The following CREB5 variants were observed in gnomAD, a reference collection of about 807,000 sequenced individuals.
The protein encoded by CREB5 is cyclic AMP-responsive element-binding protein 5.
In CREB5, 19 loss-of-function variants were observed where a neutral mutation model predicts 57.1. The observed-to-expected ratio is 0.33, with a 90% CI of 0.23 to 0.49. The LOEUF is 0.49. Ranked by LOEUF, CREB5 falls within the 20% of genes least tolerant of loss-of-function variation. CREB5 has a pLI of 0.99. For missense variants in CREB5, 579 were observed against 671.6 expected (o/e 0.86, Z 1.52); for synonymous variants, 238 against 238.3 (o/e 1.00, Z 0.01).
chr7:28,443,930 C>A (rs1031016125), intron 1 of CREB5, among the ~76,000 whole-genome samples: 3 of 152,062 alleles, frequency 2.0e-5, no homozygotes, highest in African/African-American at 7.2e-5. Flanking sequence ...GATCCTGATA[C>A]AAGTCAGAAT....
At chr7:28,658,744 G>A (rs1031834577) in intron 5 of CREB5, among the ~76,000 whole-genome samples, 4 of 151,872 alleles carry the variant, frequency 2.6e-5, no homozygotes, top group Admixed American at 2.6e-4. Context: ...ATGTTGAGTC[G>A]CCAGTTTTGG....
chr7:28,386,335 A>C (rs1248890347), intron 1 of CREB5, among the ~76,000 whole-genome samples: 1 of 152,116 alleles, frequency 6.6e-6, no homozygotes, highest in Non-Finnish European at 1.5e-5. Context: ...GTTCCTTTAC[A>C]CATTTTGTAG....
chr7:28,634,348 T>A (rs1208841938), intron 5 of CREB5, among the ~76,000 whole-genome samples: 3 of 152,244 alleles, frequency 2.0e-5, no homozygotes, highest in African/African-American at 7.2e-5. Context: ...GAACTGATAT[T>A]TTTTAATGGG....
At chr7:28,620,162 G>T (rs73684221) in intron 5 of CREB5, among the ~76,000 whole-genome samples, 2,903 of 152,178 alleles carry the variant, frequency 0.019, 98 homozygotes, top group African/African-American at 0.067. Flanking sequence ...TTTTGCAGTC[G>T]TCTCATAGAT....
chr7:28,560,931 T>TGCGTGCGCGTGC (rs1467935536), intron 4 of CREB5, among the ~76,000 whole-genome samples: 4 of 48,530 alleles, frequency 8.2e-5, no homozygotes, highest in Non-Finnish European at 1.5e-4. Flanking sequence ...TGCGCGTGCG[T>TGCGTGCGCGTGC]GTGTGCGTGC....
chr7:28,431,342 A>G (rs961345786), intron 1 of CREB5, among the ~76,000 whole-genome samples: 2 of 152,208 alleles, frequency 1.3e-5, no homozygotes, highest in Non-Finnish European at 2.9e-5. Flanking sequence ...TGCTGTATCT[A>G]TGGCATTCAT....
chr7:28,732,457 C>A (rs1803700435), intron 7 of CREB5, among the ~76,000 whole-genome samples: 1 of 152,114 alleles, frequency 6.6e-6, no homozygotes, highest in Non-Finnish European at 1.5e-5. Context: ...TTTTCAAGAG[C>A]CTCTTTCTTG....
At chr7:28,617,022 T>A (rs1797620491) in intron 5 of CREB5, among the ~76,000 whole-genome samples, 1 of 152,218 alleles carries the variant, frequency 6.6e-6, no homozygotes, top group Non-Finnish European at 1.5e-5. Flanking sequence ...AGCCTCAGCC[T>A]GAAATTCACA....
At chr7:28,476,869 A>G (rs1410533756) in intron 1 of CREB5, among the ~76,000 whole-genome samples, 2 of 110,542 alleles carry the variant, frequency 1.8e-5, no homozygotes, top group African/African-American at 7.5e-5. Flanking sequence ...TTGCTTTCTC[A>G]TGGCCTCTGA....
chr7:28,804,167 T>C (rs1161096690), intron 7 of CREB5, 32 bp from the exon 8 acceptor site: 1 of 1,595,214 alleles, frequency 6.3e-7, no homozygotes, highest in Non-Finnish European at 8.6e-7. Context: ...TGACTTCAGT[T>C]GTTCTCTCTC....
rs565249310 is a variant in CREB5 at position 28,427,846 on chromosome 7, C to T, written c.3+14929C>T. ...CTTCCGGAGATGGCTATGTGATAACCCAGCCAAGTGCATCACTAAAGGTGG... is the reference window on the plus strand; with the variant it reads ...CTTCCGGAGATGGCTATGTGATAACTCAGCCAAGTGCATCACTAAAGGTGG... On this transcript the variant is annotated intron_variant, in intron 1 of 10. Transcript: ENST00000357727. Among the ~76,000 whole-genome samples the T allele has an allele frequency of 2.0e-5, 3 of 152,238 alleles. No individual in the cohort carries two copies. The South Asian group carries it at 6.2e-4, about 32-fold the overall frequency.
At chr7:28,409,761 G>C (rs1337586179), upstream of CREB5, 1 of 376,808 alleles carries the variant, frequency 2.7e-6, no homozygotes, top group Admixed American at 3.2e-5. The surrounding 1 kb of genome is among the most constrained non-coding windows in gnomAD (Gnocchi z 4.4). Context: ...CTCGGTGGCC[G>C]CCGCGCCGCG....
chr7:28,319,579 A>G (rs1290360551), intron 1 of CREB5, among the ~76,000 whole-genome samples: 1 of 152,248 alleles, frequency 6.6e-6, no homozygotes, highest in East Asian at 1.9e-4. Context: ...TTCGGTGTTC[A>G]TCTGGAGGTG....
intron 1 of CREB5, among the ~76,000 whole-genome samples, chr7:28,425,020 T>C (rs983898909): frequency 6.6e-6 from 1 of 152,224 alleles, no homozygotes; most frequent in Non-Finnish European, 1.5e-5. Context: ...CATGGGTACA[T>C]GTGTGGGTTT....
chr7:28,580,451 A>ACG (rs1430515804), intron 5 of CREB5, among the ~76,000 whole-genome samples: 1 of 150,628 alleles, frequency 6.6e-6, no homozygotes, highest in Admixed American at 6.6e-5. Context: ...ACACACACAC[A>ACG]CACACACACA....
At chr7:28,473,848 C>T (rs1315137755) in intron 1 of CREB5, among the ~76,000 whole-genome samples, 1 of 152,190 alleles carries the variant, frequency 6.6e-6, no homozygotes, top group Non-Finnish European at 1.5e-5. Context: ...GGGTCCATGA[C>T]CCTGGCCCGT....
chr7:28,570,888 G>C (rs756062995), intron 5 of CREB5, among the ~76,000 whole-genome samples: 3 of 152,058 alleles, frequency 2.0e-5, no homozygotes, highest in Non-Finnish European at 2.9e-5. Flanking sequence ...AGTTCTACCA[G>C]CTCAGCCTTG....
In CREB5 at chr7:28,554,848, C is replaced by T. The variant is rs985311749; in HGVS notation, c.292-15517C>T. Among the ~76,000 whole-genome samples the T allele has an allele frequency of 5.3e-5, 8 of 152,250 alleles. No individual in the cohort carries two copies. In the South Asian group the frequency reaches 8.3e-4, roughly 16 times the overall value. On this transcript the variant is annotated intron_variant, in intron 4 of 10. Transcript: ENST00000357727. ...TGTGAATCTAGACTGTTCACATGAG[C>T]GAGTCAAGGAGGGAAGCGGACTTGG...
chr7:28,799,322 C>T (rs1271177085), intron 7 of CREB5, among the ~76,000 whole-genome samples: 1 of 152,172 alleles, frequency 6.6e-6, no homozygotes, highest in Admixed American at 6.5e-5. Context: ...TTTTAAAAAG[C>T]TTGGTTTTAT....
Sources: gnomAD v4.1 joint callset for allele counts (sites outside exome capture counted in the v4.1 genomes callset) on GRCh38, gnomAD v4.1.1 for gene constraint, Gnocchi (gnomAD v3.1) non-coding constraint, MANE v1.5 for transcripts, NCBI Gene and HGNC (gene_info 2026-07-23, HGNC 2026-07-21) for gene names.